AVEN: variants seen among roughly 807,000 people sequenced by gnomAD.
AVEN encodes the protein cell death regulator Aven.
In AVEN, 41 loss-of-function variants were observed where a neutral mutation model predicts 38.1. The ratio of observed to expected loss-of-function variants is 1.08; its 90% CI spans 0.84 to 1.40. The LOEUF is 1.40. Among genes scored for constraint, AVEN ranks in the 40% most tolerant of loss-of-function variants. The pLI is 0.00. For missense variants in AVEN, 605 were observed against 438.8 expected (o/e 1.38, Z -3.38); for synonymous variants, 206 against 171.8 (o/e 1.20, Z -1.56).
At chr15:33,858,477 G>C (rs1265623240), downstream of AVEN, 1 of 139,260 alleles carries the variant, frequency 7.2e-6, no homozygotes, top group Non-Finnish European at 1.6e-5. Flanking sequence ...AAAGTGCTGG[G>C]ATTACAGGCG....
chr15:34,030,243 G>A (rs930581179), intron 1 of AVEN, among the ~76,000 whole-genome samples: 22 of 152,300 alleles, frequency 1.4e-4, no homozygotes, highest in South Asian at 6.2e-4. Context: ...GACAGAGTGA[G>A]TGAGACTTCA....
intron 2 of AVEN, among the ~76,000 whole-genome samples, chr15:33,975,279 T>C (rs1895836419): frequency 6.6e-6 from 1 of 152,196 alleles, no homozygotes; most frequent in African/African-American, 2.4e-5. Flanking sequence ...TTTGATTCCA[T>C]ATAGACACTG....
intron 2 of AVEN, 131 bp downstream of exon 2, chr15:34,002,901 T>C (rs1897191976): frequency 6.8e-6 from 6 of 882,316 alleles, no homozygotes; most frequent in Non-Finnish European, 1.0e-5. Context: ...AACACTGTCC[T>C]TTACTTGAAT....
chr15:34,001,873 A>G (rs1051326316), intron 2 of AVEN, among the ~76,000 whole-genome samples: 1 of 152,246 alleles, frequency 6.6e-6, no homozygotes, highest in Non-Finnish European at 1.5e-5. Context: ...GTAGAACTAA[A>G]CAGCAACATC....
intron 5 of AVEN, among the ~76,000 whole-genome samples, chr15:34,053,223 C>G (rs1204718142): frequency 6.8e-6 from 1 of 146,636 alleles, no homozygotes; most frequent in Non-Finnish European, 1.5e-5. Flanking sequence ...TTGCTTGAAC[C>G]CAGGAGGCAG....
chr15:33,884,687 G>A (rs10519889), intron 2 of AVEN, among the ~76,000 whole-genome samples: 10,938 of 152,130 alleles, frequency 0.072, 537 homozygotes, highest in South Asian at 0.15. Context: ...ACAAAAAAAG[G>A]GCTTTCAGTC....
chr15:33,905,785 A>G (rs918004378), intron 2 of AVEN, among the ~76,000 whole-genome samples: 15 of 149,704 alleles, frequency 1.0e-4, no homozygotes, highest in African/African-American at 3.7e-4. Context: ...GTGCCATTGC[A>G]CTCCAGCCTG....
intron 2 of AVEN, among the ~76,000 whole-genome samples, chr15:33,887,067 G>C (rs1012251412): frequency 6.6e-6 from 1 of 152,318 alleles, no homozygotes; most frequent in Admixed American, 6.5e-5. Context: ...GAGCTATATT[G>C]TAAGTATAAG....
In AVEN at chr15:34,063,954, C is replaced by G; in HGVS notation, n.1127-522G>C. ...CTGCCCCTTCCCAGTGGCCAAGGAA[C>G]CTTCAACGAAAGGCCTCAATCCCAA... On this transcript the variant is annotated intron_variant and non_coding_transcript_variant, in intron 4 of 11. Transcript: ENST00000675287. This position sits in a 1 kb window ranked among gnomAD's most constrained non-coding sequence, Gnocchi z 4.1. 1 of 1,614,126 alleles carries G rather than the reference C, an allele frequency of 6.2e-7. No individual in the cohort carries two copies. The highest frequency in any genetic ancestry group is 8.5e-7 in the Non-Finnish European group (1 of 1,180,022).
intron 2 of AVEN, among the ~76,000 whole-genome samples, chr15:33,992,589 G>C (rs948002389): frequency 6.6e-6 from 1 of 152,090 alleles, no homozygotes; most frequent in African/African-American, 2.4e-5. Flanking sequence ...AAATATCAAA[G>C]GGAAGAATCT....
chr15:33,864,033 T>C (rs141994960), downstream of AVEN: 934 of 739,428 alleles, frequency 1.3e-3, 1 homozygote, highest in Admixed American at 3.5e-3. Flanking sequence ...TCACTGTAGA[T>C]AGCGTGGGAC....
At chr15:33,865,236 A>G (rs773022103), downstream of AVEN, 43 of 1,591,600 alleles carry the variant, frequency 2.7e-5, no homozygotes, top group Middle Eastern at 5.0e-4. Context: ...AATCTGAATC[A>G]AAGAAGCGCG....
At chr15:34,054,060 C>CA (rs1900041945) in intron 5 of AVEN, among the ~76,000 whole-genome samples, 1 of 151,444 alleles carries the variant, frequency 6.6e-6, no homozygotes, top group African/African-American at 2.4e-5. Flanking sequence ...TACATGCGGC[C>CA]AAAAAACGTG....
chr15:33,884,849 T>C (rs1367643386), intron 2 of AVEN, among the ~76,000 whole-genome samples: 1 of 152,178 alleles, frequency 6.6e-6, no homozygotes, highest in Non-Finnish European at 1.5e-5. Flanking sequence ...TGGAAAATCT[T>C]CCCAAGCCTA....
intron 1 of AVEN, among the ~76,000 whole-genome samples, chr15:34,035,811 T>C (rs1186967818): frequency 6.6e-5 from 10 of 151,626 alleles, no homozygotes; most frequent in Admixed American, 3.9e-4. Context: ...AGTTAGTTAT[T>C]TGAGACAGAG....
chr15:34,004,716 T>C (rs1175650008), intron 1 of AVEN, among the ~76,000 whole-genome samples: 1 of 152,146 alleles, frequency 6.6e-6, no homozygotes, highest in African/African-American at 2.4e-5. Flanking sequence ...AGACATGAAA[T>C]ATACTATACT....
intron 2 of AVEN, among the ~76,000 whole-genome samples, chr15:33,998,712 CT>C (rs2140606138): frequency 6.6e-6 from 1 of 152,320 alleles, no homozygotes; most frequent in African/African-American, 2.4e-5. Context: ...TTGTCATCAA[CT>C]GCATTTGATA....
intron 2 of AVEN, among the ~76,000 whole-genome samples, chr15:33,891,014 T>C (rs752884908): frequency 6.6e-6 from 1 of 151,736 alleles, no homozygotes; most frequent in Non-Finnish European, 1.5e-5. Flanking sequence ...GAGGCTGAGA[T>C]GAGAGGATTG....
At chr15:33,893,391 C>A (rs756921460) in intron 2 of AVEN, among the ~76,000 whole-genome samples, 1 of 152,148 alleles carries the variant, frequency 6.6e-6, no homozygotes, top group South Asian at 2.1e-4. Flanking sequence ...GAAATTCATA[C>A]AAACACCAGC....
Sources: gnomAD v4.1 joint callset for allele counts (sites outside exome capture counted in the v4.1 genomes callset) on GRCh38, gnomAD v4.1.1 for gene constraint, Gnocchi (gnomAD v3.1) non-coding constraint, MANE v1.5 for transcripts, NCBI Gene and HGNC (gene_info 2026-07-23, HGNC 2026-07-21) for gene names.